Variants in ANO2 observed in about 807,000 individuals in gnomAD.
ANO2 encodes anoctamin-2.
A neutral mutation model predicts 124.2 loss-of-function variants in ANO2; 101 were observed. That is an observed-to-expected ratio of 0.81 (90% confidence interval 0.69 to 0.96). The LOEUF is 0.96. ANO2 is among the 40% of genes least tolerant of loss of function. ANO2 has a pLI of 0.00. For synonymous variants in ANO2, 486 were observed against 482.5 expected, an observed-to-expected ratio of 1.01 and a Z score of -0.09; for missense variants, 1,293 against 1,274.5, an observed-to-expected ratio of 1.01 and a Z score of -0.22.
chr12:5,576,041 A>G (rs1406097408), intron 22 of ANO2, 26 bp from the exon 23 acceptor site: 1 of 1,573,876 alleles, frequency 6.4e-7, no homozygotes, highest in Admixed American at 1.8e-5. Context: ...ATAAGCACTG[A>G]GTAGCCAGGA....
intron 20 of ANO2, among the ~76,000 whole-genome samples, chr12:5,579,324 A>G (rs74318178): frequency 0.2 from 30,603 of 152,164 alleles, 3,166 homozygotes; most frequent in Admixed American, 0.23. Context: ...AGTGATAGAG[A>G]AGGCCCAAAT....
intron 14 of ANO2, among the ~76,000 whole-genome samples, chr12:5,722,740 A>G (rs4930798): frequency 0.23 from 34,392 of 152,022 alleles, 4,105 homozygotes; most frequent in Middle Eastern, 0.28. Flanking sequence ...GTGTGTGCAC[A>G]CGTAAATAAA....
At chr12:5,641,811 G>C (rs953860632) in intron 15 of ANO2, among the ~76,000 whole-genome samples, 8 of 152,154 alleles carry the variant, frequency 5.3e-5, no homozygotes, top group African/African-American at 1.9e-4. Flanking sequence ...ATTTTACAAA[G>C]GAGAGATAAT....
intron 10 of ANO2, among the ~76,000 whole-genome samples, chr12:5,768,949 T>A (rs1052427278): frequency 6.6e-6 from 1 of 152,062 alleles, no homozygotes; most frequent in African/African-American, 2.4e-5. Context: ...AAAAAGCACA[T>A]TTTGCTGCTA....
At chr12:5,926,398 C>A (rs185933587) in intron 1 of ANO2, among the ~76,000 whole-genome samples, 1,573 of 152,290 alleles carry the variant, frequency 0.01, 14 homozygotes, top group Middle Eastern at 0.017. Flanking sequence ...AGGACACCCT[C>A]AAGAGCACAA....
intron 9 of ANO2, among the ~76,000 whole-genome samples, chr12:5,805,086 G>A (rs1299327044): frequency 2.6e-5 from 4 of 151,904 alleles, no homozygotes; most frequent in Non-Finnish European, 5.9e-5. Flanking sequence ...TTAAGACATC[G>A]CAATACTACA....
At chr12:5,784,999 T>C (rs977020212) in intron 10 of ANO2, among the ~76,000 whole-genome samples, 1 of 152,220 alleles carries the variant, frequency 6.6e-6, no homozygotes, top group Admixed American at 6.5e-5. Flanking sequence ...ACAGGGCTGC[T>C]CTTTGTTGGA....
At chr12:5,815,371 C>T (rs1305617419) in intron 7 of ANO2, among the ~76,000 whole-genome samples, 1 of 152,130 alleles carries the variant, frequency 6.6e-6, no homozygotes, top group East Asian at 1.9e-4. Flanking sequence ...CCTAATAATG[C>T]TTTGATAATT....
intron 3 of ANO2, among the ~76,000 whole-genome samples, chr12:5,883,752 G>A (rs549926430): frequency 2.0e-4 from 30 of 152,130 alleles, no homozygotes; most frequent in Non-Finnish European, 4.3e-4. Flanking sequence ...TCTATGAAAT[G>A]AGGACTTTGC....
At chr12:5,903,123 G>A (rs1443968116) in intron 3 of ANO2, among the ~76,000 whole-genome samples, 3 of 151,712 alleles carry the variant, frequency 2.0e-5, no homozygotes, top group African/African-American at 4.8e-5. Flanking sequence ...CCACAGCACC[G>A]GACAATTGCG....
At chr12:5,820,848 G>A (rs1407154404) in intron 7 of ANO2, among the ~76,000 whole-genome samples, 1 of 152,222 alleles carries the variant, frequency 6.6e-6, no homozygotes, top group South Asian at 2.1e-4. Context: ...ACCAGATGTG[G>A]TTTCATTGCT....
rs1191806812 is a variant in ANO2, at chr12:5,862,974, C to CT, written c.535-8834dup. On this transcript the variant is annotated intron_variant, in intron 3 of 24. Transcript: ENST00000682330. The surrounding 1 kb of genome is among the most constrained non-coding windows in gnomAD (Gnocchi z 4.0). ...CCCAGCTAATTTTTTGTATTTTTTTCTTTTTTTTAGTAGAGACGGTGAGGG... is the reference window on the plus strand; with the variant it reads ...CCCAGCTAATTTTTTGTATTTTTTTCTTTTTTTTTAGTAGAGACGGTGAGGG... Among the ~76,000 whole-genome samples the CT allele has an allele frequency of 2.0e-5, 3 of 151,708 alleles. No homozygotes were observed. The highest frequency in any genetic ancestry group is 7.3e-5 in the African/African-American group (3 of 41,300).
At chr12:5,689,268 T>G (rs1948832883) in intron 14 of ANO2, among the ~76,000 whole-genome samples, 1 of 152,132 alleles carries the variant, frequency 6.6e-6, no homozygotes, top group Admixed American at 6.5e-5. Flanking sequence ...GCAGAATCTT[T>G]GACCTAATTT....
intron 10 of ANO2, among the ~76,000 whole-genome samples, chr12:5,796,726 G>A (rs1027660093): frequency 3.3e-5 from 5 of 152,234 alleles, no homozygotes; most frequent in African/African-American, 9.6e-5. Flanking sequence ...AGGGGTGCAG[G>A]GAAGGGTGTC....
intron 15 of ANO2, among the ~76,000 whole-genome samples, chr12:5,641,119 C>T (rs1946361996): frequency 6.6e-6 from 1 of 150,382 alleles, no homozygotes; most frequent in Non-Finnish European, 1.5e-5. Context: ...CAAACTATCA[C>T]AAGGGCAGAA....
intron 3 of ANO2, among the ~76,000 whole-genome samples, chr12:5,864,319 T>C (rs1412320227): frequency 6.6e-6 from 1 of 152,232 alleles, no homozygotes; most frequent in Non-Finnish European, 1.5e-5. Flanking sequence ...TGACAATCCA[T>C]AAGCCCCAAA....
At chr12:5,728,946 C>T (rs1396834271) in intron 14 of ANO2, among the ~76,000 whole-genome samples, 1 of 152,166 alleles carries the variant, frequency 6.6e-6, no homozygotes, top group African/African-American at 2.4e-5. Flanking sequence ...CAGAAAAATA[C>T]ATTTGAATAC....
At chr12:5,765,048 G>A (rs929685803) in intron 10 of ANO2, among the ~76,000 whole-genome samples, 19 of 152,350 alleles carry the variant, frequency 1.2e-4, no homozygotes, top group African/African-American at 4.6e-4. Flanking sequence ...ATCAGCCAGA[G>A]AGGCAGTCCA....
chr12:5,915,335 T>G (rs936492190), intron 3 of ANO2, among the ~76,000 whole-genome samples: 2 of 152,116 alleles, frequency 1.3e-5, no homozygotes, highest in Non-Finnish European at 2.9e-5. Flanking sequence ...ACATGGACAA[T>G]ATCAATACAT....
Sources: gnomAD v4.1 joint callset for allele counts (sites outside exome capture counted in the v4.1 genomes callset) on GRCh38, gnomAD v4.1.1 for gene constraint, Gnocchi (gnomAD v3.1) non-coding constraint, MANE v1.5 for transcripts, NCBI Gene and HGNC (gene_info 2026-07-23, HGNC 2026-07-21) for gene names.